The following BUB3 variants were observed in gnomAD, a reference collection of about 807,000 sequenced individuals.
The protein encoded by BUB3 is mitotic checkpoint protein BUB3.
BUB3 carries 22 observed loss-of-function variants against 39.9 expected under a neutral mutation model. The observed-to-expected ratio is 0.55, with a 90% confidence interval of 0.39 to 0.79. The LOEUF (loss-of-function observed/expected upper bound fraction) is 0.79, where lower values mean the gene tolerates loss of function less well. BUB3 is among the 30% of genes least tolerant of loss of function. BUB3 has a pLI of 0.00. For synonymous variants in BUB3, 168 were observed against 155.1 expected (o/e 1.08, Z -0.62); for missense variants, 303 against 415.4 (o/e 0.73, Z 2.35).
At chr10:123,162,182 T>G in intron 5 of BUB3, 54 bp from the exon 6 acceptor site, 1 of 1,542,528 alleles carries the variant, frequency 6.5e-7, no homozygotes, top group East Asian at 2.2e-5. Context: ...AATTAGCACC[T>G]TGTTTTTGGA....
rs1844455879 is a variant in BUB3, at chr10:123,163,981, G to A, written c.*146G>A. The A allele has an allele frequency of 3.1e-6, 4 of 1,306,008 alleles. No homozygotes were observed. The highest frequency in any genetic ancestry group is 3.9e-6 in the Non-Finnish European group (4 of 1,016,094). 80.9% of individuals were successfully genotyped at this position (1,306,008 alleles called of 1,614,324 possible). ...TGAAAATAATGGAAAAGAGGTTTTT[G>A]AATTTTTTTTTTTAAATAAACACCT... On this transcript the variant is annotated 3_prime_UTR_variant, in exon 8 of 8. Coordinates refer to ENST00000368865, the MANE Select transcript of BUB3 (RefSeq NM_004725.4).
rs1432522141 is a variant in BUB3 at position 123,167,197 on chromosome 10, T to C, written c.*3362T>C. Reference sequence around the variant, plus strand: ...AAACACTGGGGTTCTTCTCTTACGCTGAGAGCCAGGTTACTTTCTTCACTA... The same window carrying C: ...AAACACTGGGGTTCTTCTCTTACGCCGAGAGCCAGGTTACTTTCTTCACTA... On this transcript the variant is annotated 3_prime_UTR_variant, in exon 8 of 8. Coordinates refer to ENST00000368865, the MANE Select transcript of BUB3 (RefSeq NM_004725.4). 6.6e-6 allele frequency: 1 copy of C among 152,262 alleles called. No homozygotes were observed. Among genetic ancestry groups the C allele is most frequent in the African/African-American group, 2.4e-5 (1 of 41,470 alleles). 9.4% of individuals were successfully genotyped at this position (152,262 alleles called of 1,614,324 possible).
intron 2 of BUB3, 131 bp from the exon 3 acceptor site, chr10:123,155,527 G>T: frequency 1.0e-5 from 8 of 794,376 alleles, no homozygotes; most frequent in Admixed American, 7.6e-5. Flanking sequence ...GCTGTTTTTT[G>T]GTTTGTTTAC....
chr10:123,164,126 C>T lies in BUB3; in HGVS notation c.*291C>T. Reference sequence around the variant, plus strand: ...TTTTGACCTTGATGATTTTTTGTTTCCACTGTGGAAATAAATGTTTGTAAA... The same window carrying T: ...TTTTGACCTTGATGATTTTTTGTTTTCACTGTGGAAATAAATGTTTGTAAA... On this transcript the variant is annotated 3_prime_UTR_variant, in exon 8 of 8. Coordinates refer to ENST00000368865, the MANE Select transcript of BUB3 (RefSeq NM_004725.4). The T allele has an allele frequency of 9.0e-7, 1 of 1,106,300 alleles. No homozygotes were observed. The highest frequency in any genetic ancestry group is 1.1e-6 in the Non-Finnish European group (1 of 909,742). The allele number at this position is 1,106,300 out of a possible 1,614,324, so 68.5% of individuals were successfully genotyped here.
intron 4 of BUB3, among the ~76,000 whole-genome samples, chr10:123,160,057 AT>A (rs952868695): frequency 5.3e-5 from 8 of 151,730 alleles, no homozygotes; most frequent in Non-Finnish European, 8.8e-5. Context: ...TCATTTTTGA[AT>A]TTTTTTTTAC....
In BUB3 at chr10:123,157,815, C is replaced by A; in HGVS notation, c.352C>A (p.Gln118Lys). 1 of 1,613,976 alleles carries A rather than the reference C, an allele frequency of 6.2e-7. No individual in the cohort carries two copies. The highest frequency in any genetic ancestry group is 1.1e-5 in the South Asian group (1 of 91,070). Reference sequence around the variant, plus strand: ...TGTGATGGTCACTGGAAGTTGGGATCAGACAGTTAAACTGTGGGATCCCAG... The same window carrying A: ...TGTGATGGTCACTGGAAGTTGGGATAAGACAGTTAAACTGTGGGATCCCAG... ...VNVMVTGSWD[Q>K]TVKLWDPRTP... The change falls in exon 4 of 8, where the codon CAG (glutamine) becomes AAG (lysine). Residue 118 changes from glutamine to lysine, a missense_variant. Physicochemically the swap from Gln to Lys is moderately conservative, Grantham distance 53 (BLOSUM62 1). Transcript: ENST00000368865.
chr10:123,159,636 A>G (rs1366072289), intron 4 of BUB3, among the ~76,000 whole-genome samples: 1 of 152,230 alleles, frequency 6.6e-6, no homozygotes, highest in East Asian at 1.9e-4. Flanking sequence ...TTATAAAGGA[A>G]TTTTTGTGGA....
Position 123,165,324 on chromosome 10 carries a change from C to G in BUB3, c.*1489C>G. 1 of 353,690 alleles carries G rather than the reference C, an allele frequency of 2.8e-6. No homozygotes were observed. Among genetic ancestry groups the G allele is most frequent in the Non-Finnish European group, 5.1e-6 (1 of 196,900 alleles). The allele number at this position is 353,690 out of a possible 1,614,324, so 21.9% of individuals were successfully genotyped here. A position where few individuals can be genotyped will look rare whatever the true frequency, so the allele number is the denominator to read the frequency against. ...GCTCTTTTTGTAATATACTCTAAAC[C>G]TGTTATTTCTGTGCTAATAAACGAG... On this transcript the variant is annotated 3_prime_UTR_variant, in exon 8 of 8. Coordinates refer to ENST00000368865, the MANE Select transcript of BUB3 (RefSeq NM_004725.4).
At chr10:123,160,325 A>G (rs1053759451) in intron 4 of BUB3, 82 bp from the exon 5 acceptor site, 35 of 1,306,018 alleles carry the variant, frequency 2.7e-5, no homozygotes, top group Non-Finnish European at 3.6e-5. Context: ...TGGTCTTATG[A>G]TCAGATGGAC....
rs772972633 is a variant in BUB3 at position 123,162,433 on chromosome 10, C to T, written c.754+20C>T. 7 of 1,606,968 alleles carry T rather than the reference C, an allele frequency of 4.4e-6. No individual in the cohort carries two copies. In the East Asian group the frequency reaches 6.7e-5, roughly 15 times the overall value. The stretch of plus-strand genomic sequence containing the variant: ...CCACAGGTAAAGTATGGCATGCTGA[C>T]CTATATTTAATTATTATACTATTTG... On this transcript the variant is annotated intron_variant, in intron 6 of 7. Transcript: ENST00000368865.
chr10:123,164,242 A>G lies in BUB3; in HGVS notation c.*407A>G, dbSNP rs943726135. On this transcript the variant is annotated 3_prime_UTR_variant, in exon 8 of 8. Coordinates refer to ENST00000368865, the MANE Select transcript of BUB3 (RefSeq NM_004725.4). Reference sequence around the variant, plus strand: ...GCCATTTGTTTCTTTTGCTGGTTATAGTTGCTAATTCTAAAGCTGCTTCAG... The same window carrying G: ...GCCATTTGTTTCTTTTGCTGGTTATGGTTGCTAATTCTAAAGCTGCTTCAG... 2.0e-6 allele frequency: 2 copies of G among 990,762 alleles called. No individual in the cohort carries two copies. The highest frequency in any genetic ancestry group is 2.4e-6 in the Non-Finnish European group (2 of 833,924). The allele number at this position is 990,762 out of a possible 1,614,324, so 61.4% of individuals were successfully genotyped here.
intron 4 of BUB3, among the ~76,000 whole-genome samples, chr10:123,159,684 A>C (rs2133567999): frequency 6.6e-6 from 1 of 152,354 alleles, no homozygotes; most frequent in Middle Eastern, 3.4e-3. Context: ...AAGGGGAAAA[A>C]TAGGGGATAC....
Position 123,170,465 on chromosome 10 carries a change from A to G in BUB3, c.*6630A>G, listed in dbSNP as rs1404577331. 3 of 152,140 alleles carry G rather than the reference A, an allele frequency of 2.0e-5. No individual in the cohort carries two copies. The highest frequency in any genetic ancestry group is 4.8e-5 in the African/African-American group (2 of 41,442). The allele number at this position is 152,140 out of a possible 1,614,324, so 9.4% of individuals were successfully genotyped here. On this transcript the variant is annotated 3_prime_UTR_variant, in exon 8 of 8. Transcript: ENST00000368865. The stretch of plus-strand genomic sequence containing the variant: ...TTCATTTTAAAATAAAGTTTTGCAC[A>G]TGTTTGAAGCCTCATTTGTACCCCT...
In BUB3 at chr10:123,167,446, A is replaced by G. The variant is rs1013550952; in HGVS notation, c.*3611A>G. ...TATACCTTTAGCAGTAGTTCCTCATATTGCCTGGCATTTAAACATTTTTGT... is the reference window on the plus strand; with the variant it reads ...TATACCTTTAGCAGTAGTTCCTCATGTTGCCTGGCATTTAAACATTTTTGT... On this transcript the variant is annotated 3_prime_UTR_variant, in exon 8 of 8. Transcript: ENST00000368865. 4 of 152,080 alleles carry G rather than the reference A, an allele frequency of 2.6e-5. No individual in the cohort carries two copies. Among genetic ancestry groups the G allele is most frequent in the African/African-American group, 9.7e-5 (4 of 41,402 alleles). The allele number at this position is 152,080 out of a possible 1,614,324, so 9.4% of individuals were successfully genotyped here.
chr10:123,163,031 G>A (rs1483327366), intron 7 of BUB3: 31 of 558,050 alleles, frequency 5.6e-5, no homozygotes, highest in Non-Finnish European at 1.2e-5. Context: ...GTGCCTAGTT[G>A]TTTTGTAGAG....
intron 7 of BUB3, 108 bp from the exon 8 acceptor site, chr10:123,163,712 C>A: frequency 3.2e-6 from 3 of 946,606 alleles, no homozygotes; most frequent in Non-Finnish European, 3.2e-6. Flanking sequence ...GCATGTGAAG[C>A]CTGTTGGATA....
rs111376184 is a variant in BUB3, at chr10:123,160,463, A to G, written c.474A>G (p.Arg158=). 3 of 1,613,150 alleles carry G rather than the reference A, an allele frequency of 1.9e-6. No homozygotes were observed. The highest frequency in any genetic ancestry group is 1.7e-4 in the Middle Eastern group (1 of 5,760). The change falls in exon 5 of 8, where the codon AGA becomes AGG. Residue 158 remains arginine, a synonymous_variant. Coordinates refer to ENST00000368865, the MANE Select transcript of BUB3 (RefSeq NM_004725.4). The part of the protein sequence containing the change: ...DRLIVGTAGR[R]VLVWDLRNMG... ...TGATTGTGGGAACAGCAGGCCGCAG[A>G]GTGTTGGTGTGGGACTTACGGAACA...
chr10:123,162,548 A>C, intron 6 of BUB3, 64 bp from the exon 7 acceptor site: 2 of 1,564,550 alleles, frequency 1.3e-6, no homozygotes, highest in East Asian at 2.2e-5. Flanking sequence ...TTAACTGTTA[A>C]GAGAATGGTT....
intron 5 of BUB3, 35 bp downstream of exon 5, chr10:123,160,600 T>C: frequency 6.7e-7 from 1 of 1,500,770 alleles, no homozygotes; most frequent in Non-Finnish European, 8.9e-7. Flanking sequence ...TTCTGGAATT[T>C]GAAAATAATA....
Sources: allele counts gnomAD v4.1 joint callset (sites outside exome capture counted in the v4.1 genomes callset), GRCh38; gene constraint gnomAD v4.1.1; transcripts MANE v1.5; gene names NCBI Gene and HGNC (gene_info 2026-07-23, HGNC 2026-07-21).